TMEM260: variants seen among roughly 807,000 people sequenced by gnomAD.
TMEM260 encodes the protein protein O-mannosyl-transferase TMEM260.
Under a neutral mutation model 88.9 loss-of-function variants are expected in TMEM260, and 82 were observed. That is an observed-to-expected ratio of 0.92 (90% CI 0.77 to 1.11). The LOEUF (loss-of-function observed/expected upper bound fraction) is 1.11, where lower values mean the gene tolerates loss of function less well. Among genes scored for constraint, TMEM260 ranks in the 50% least tolerant of loss-of-function variants. TMEM260 has a pLI of 0.00. For synonymous variants in TMEM260, 314 were observed against 309.3 expected (o/e 1.02, Z -0.16); for missense variants, 902 against 853.4 (o/e 1.06, Z -0.71).
At chr14:56,650,297 C>T, downstream of TMEM260, 1 of 317,354 alleles carries the variant, frequency 3.2e-6, no homozygotes, top group Non-Finnish European at 6.2e-6. Context: ...TCTGACTCTC[C>T]ACATGCGTCA....
chr14:56,615,182 G>T (rs1887522989), intron 7 of TMEM260, among the ~76,000 whole-genome samples: 1 of 152,110 alleles, frequency 6.6e-6, no homozygotes, highest in Non-Finnish European at 1.5e-5. Flanking sequence ...ACATTGTATG[G>T]TTTCTATAAT....
intron 3 of TMEM260, among the ~76,000 whole-genome samples, chr14:56,586,297 G>A (rs112898417): frequency 1.5e-3 from 222 of 152,142 alleles, no homozygotes; most frequent in African/African-American, 5.1e-3. Flanking sequence ...CAGGTCCAGG[G>A]CTAATACCTA....
chr14:56,640,647 T>A (rs1376492725), intron 15 of TMEM260, among the ~76,000 whole-genome samples: 2 of 152,142 alleles, frequency 1.3e-5, no homozygotes, highest in South Asian at 4.1e-4. Flanking sequence ...GGACAGAGAA[T>A]GACTTTGACG....
At chr14:56,635,670 G>A (rs1279003460) in intron 14 of TMEM260, among the ~76,000 whole-genome samples, 1 of 152,150 alleles carries the variant, frequency 6.6e-6, no homozygotes, top group East Asian at 1.9e-4. Flanking sequence ...CCTAAGTAGT[G>A]CAGACGGAGT....
chr14:56,626,352 T>A (rs1056019413), intron 12 of TMEM260, among the ~76,000 whole-genome samples: 1 of 152,150 alleles, frequency 6.6e-6, no homozygotes, highest in Non-Finnish European at 1.5e-5. Flanking sequence ...AGATAAAATA[T>A]TAGGAACCAT....
At chr14:56,623,172 A>G (rs924502544) in intron 11 of TMEM260, among the ~76,000 whole-genome samples, 1 of 152,228 alleles carries the variant, frequency 6.6e-6, no homozygotes, top group African/African-American at 2.4e-5. Context: ...ATTTGAATGC[A>G]AGAAACAGAA....
At chr14:56,635,500 G>A (rs1195421802) in intron 14 of TMEM260, among the ~76,000 whole-genome samples, 1 of 147,428 alleles carries the variant, frequency 6.8e-6, no homozygotes, top group African/African-American at 2.6e-5. Context: ...TAATCTGATG[G>A]AGCCTATACT....
Position 56,621,516 on chromosome 14 carries a change from G to A in TMEM260, c.1227-15G>A, listed in dbSNP as rs2139598510. The A allele has an allele frequency of 6.4e-7, 1 of 1,570,826 alleles. No individual in the cohort carries two copies. The highest frequency in any genetic ancestry group is 2.3e-5 in the East Asian group (1 of 44,060). The stretch of plus-strand genomic sequence containing the variant: ...AAGTGTTGCTATTTTAATTTTTTTG[G>A]ATCCTTTTATTTAGTGTTTGTGACC... On this transcript the variant is annotated splice_polypyrimidine_tract_variant and intron_variant, in intron 10 of 15. Transcript: ENST00000261556.
intron 1 of TMEM260, among the ~76,000 whole-genome samples, chr14:56,584,716 C>T (rs369731433): frequency 1.3e-5 from 2 of 152,212 alleles, no homozygotes; most frequent in Admixed American, 6.5e-5. Context: ...TGTATATTTG[C>T]AAGTGGATAC....
intron 5 of TMEM260, among the ~76,000 whole-genome samples, chr14:56,607,284 A>G (rs1257109392): frequency 6.6e-6 from 1 of 152,202 alleles, no homozygotes; most frequent in East Asian, 1.9e-4. Flanking sequence ...TTCTTAGCAC[A>G]TATTTCATGT....
At chr14:56,585,705 TG>T in intron 2 of TMEM260, 55 bp from the exon 3 acceptor site, 1 of 1,561,760 alleles carries the variant, frequency 6.4e-7, no homozygotes, top group Non-Finnish European at 8.7e-7. Flanking sequence ...TTAAGGCCTG[TG>T]GGACTCTTCC....
the TMEM260 span, among the ~76,000 whole-genome samples, chr14:56,662,253 G>A: frequency 6.6e-6 from 1 of 152,172 alleles, no homozygotes; most frequent in African/African-American, 2.4e-5. Context: ...TGGTATATAG[G>A]TCATGGATTT....
intron 14 of TMEM260, among the ~76,000 whole-genome samples, chr14:56,635,611 T>A (rs1888988744): frequency 6.6e-6 from 1 of 152,190 alleles, no homozygotes; most frequent in African/African-American, 2.4e-5. Context: ...TTTTGTTTTT[T>A]AATCAAAATA....
chr14:56,590,884 T>C (rs966173164), intron 3 of TMEM260, among the ~76,000 whole-genome samples: 6 of 152,076 alleles, frequency 3.9e-5, no homozygotes, highest in Non-Finnish European at 7.3e-5. Flanking sequence ...AGCTGCCAGG[T>C]TTTTGCCCTG....
chr14:56,624,723 A>G (rs1456165716), intron 11 of TMEM260, among the ~76,000 whole-genome samples: 1 of 152,210 alleles, frequency 6.6e-6, no homozygotes, highest in East Asian at 1.9e-4. Flanking sequence ...CTAGAGGATC[A>G]TGCCATTCTG....
intron 12 of TMEM260, among the ~76,000 whole-genome samples, chr14:56,626,034 A>C (rs897000253): frequency 2.0e-5 from 3 of 152,198 alleles, no homozygotes; most frequent in Non-Finnish European, 4.4e-5. Flanking sequence ...TGAGAACATA[A>C]AATTATTTGT....
chr14:56,621,451 T>A lies in TMEM260; in HGVS notation c.1227-80T>A, dbSNP rs10132157. On this transcript the variant is annotated intron_variant, in intron 10 of 15. Transcript: ENST00000261556. ...TGTTGATTGTATGATGGGAAAAGAA[T>A]GGCATAGAAAATAAGCCTAGTCTTA... 2,301 of 1,008,774 alleles carry A rather than the reference T, an allele frequency of 2.3e-3. 39 individuals are homozygous for A. In the African/African-American group the frequency reaches 0.033, roughly 15 times the overall value. The allele number at this position is 1,008,774 out of a possible 1,614,324, so 62.5% of individuals were successfully genotyped here.
intron 3 of TMEM260, among the ~76,000 whole-genome samples, chr14:56,601,084 A>G (rs17091773): frequency 0.027 from 4,139 of 152,268 alleles, 216 homozygotes; most frequent in African/African-American, 0.095. Context: ...ACTTTGTGTA[A>G]CAATCTAAGG....
chr14:56,580,186 C>A (rs922611387), intron 1 of TMEM260, 112 bp downstream of exon 1: 30 of 844,000 alleles, frequency 3.6e-5, no homozygotes, highest in Non-Finnish European at 4.6e-5. Flanking sequence ...TCTGGGCCTC[C>A]ATCCACCCCC....
Sources: gnomAD v4.1 joint callset for allele counts (sites outside exome capture counted in the v4.1 genomes callset) on GRCh38, gnomAD v4.1.1 for gene constraint, MANE v1.5 for transcripts, NCBI Gene and HGNC (gene_info 2026-07-23, HGNC 2026-07-21) for gene names.